The following FBXL14 variants were observed in gnomAD, a reference collection of about 807,000 sequenced individuals.
The protein encoded by FBXL14 is F-box and leucine rich repeat protein 14.
FBXL14 carries 11 observed loss-of-function variants against 24.5 expected under a neutral mutation model. The ratio of observed to expected loss-of-function variants is 0.45; its 90% confidence interval spans 0.28 to 0.74. The LOEUF (loss-of-function observed/expected upper bound fraction) is 0.74, where lower values mean the gene tolerates loss of function less well. Ranked by LOEUF, FBXL14 falls within the 30% of genes least tolerant of loss-of-function variation. FBXL14 has a pLI of 0.12. For synonymous variants in FBXL14, 294 were observed against 240.4 expected (o/e 1.22, Z -2.06); for missense variants, 384 against 545.6 (o/e 0.70, Z 2.95).
chr12:1,576,983 T>C (rs987791809), intron 1 of FBXL14, among the ~76,000 whole-genome samples: 1 of 152,252 alleles, frequency 6.6e-6, no homozygotes, highest in Non-Finnish European at 1.5e-5. Context: ...GGAATATTTG[T>C]TAGCATTTTT....
chr12:1,574,386 G>A, intron 1 of FBXL14, among the ~76,000 whole-genome samples: 1 of 151,784 alleles, frequency 6.6e-6, no homozygotes, highest in Non-Finnish European at 1.5e-5. Flanking sequence ...CGGTGTGGAT[G>A]GAGGCTGGGG....
intron 1 of FBXL14, among the ~76,000 whole-genome samples, chr12:1,571,050 C>A (rs1378543642): frequency 1.3e-5 from 2 of 152,194 alleles, no homozygotes; most frequent in Admixed American, 1.3e-4. Context: ...AATAATCGGT[C>A]ATTGCTATGA....
rs1315227890 is a variant in FBXL14, at chr12:1,579,407, G to C, written c.1195-12597C>G. On this transcript the variant is annotated intron_variant, in intron 1 of 1. Coordinates refer to ENST00000339235, the MANE Select transcript of FBXL14 (RefSeq NM_152441.3). The surrounding 1 kb of genome is among the most constrained non-coding windows in gnomAD (Gnocchi z 4.3). ...GAGGTGGGTGGATCACCTGAGGTCA[G>C]GAGTTCAAGACCAGCTATGGTCAAC... 6.6e-6 allele frequency among the ~76,000 whole-genome samples: 1 copy of C among 152,116 alleles called. No individual in the cohort carries two copies. Among genetic ancestry groups the C allele is most frequent in the Non-Finnish European group, 1.5e-5 (1 of 68,028 alleles).
intron 1 of FBXL14, among the ~76,000 whole-genome samples, chr12:1,573,178 A>G (rs2094448410): frequency 6.6e-6 from 1 of 152,180 alleles, no homozygotes; most frequent in Non-Finnish European, 1.5e-5. Flanking sequence ...TTCACCTAAG[A>G]AAACTGACTC....
At chr12:1,578,194 C>T (rs2094459553) in intron 1 of FBXL14, among the ~76,000 whole-genome samples, 1 of 152,062 alleles carries the variant, frequency 6.6e-6, no homozygotes, top group South Asian at 2.1e-4. Context: ...ATTTAGCTAC[C>T]TCTAATAGAG....
rs565300536 is a variant in FBXL14, at chr12:1,593,404, C to T, written c.663G>A (p.Lys221=). Residue 221 remains lysine (K), a synonymous_variant, in exon 1 of 2, where the codon AAG becomes AAA. Transcript: ENST00000339235. The surrounding 1 kb of genome is among the most constrained non-coding windows in gnomAD (Gnocchi z 7.4). ...GGCCCGTCAGCCCTCGGGAGATGTG[C>T]TTTAGAGAAAGATCTGTGAGCTTCT... is the stretch of plus-strand genomic sequence containing the variant. ...DCQKLTDLSL[K]HISRGLTGLR... 5.0e-6 allele frequency: 8 copies of T among 1,614,048 alleles called. No individual in the cohort carries two copies. In the South Asian group the frequency reaches 8.8e-5, roughly 18 times the overall value.
chr12:1,568,696 A>G (rs1348543295), intron 1 of FBXL14, among the ~76,000 whole-genome samples: 3 of 152,138 alleles, frequency 2.0e-5, no homozygotes, highest in Non-Finnish European at 4.4e-5. Context: ...ACCCCCCTCT[A>G]CTAAAAATAC....
rs2094441815 is a variant in FBXL14 at position 1,569,544 on chromosome 12, G to A, written c.1195-2734C>T. Among the ~76,000 whole-genome samples the A allele has an allele frequency of 6.6e-6, 1 of 152,124 alleles. No individual in the cohort carries two copies. Among genetic ancestry groups the A allele is most frequent in the Non-Finnish European group, 1.5e-5 (1 of 68,002 alleles). On this transcript the variant is annotated intron_variant, in intron 1 of 1. Transcript: ENST00000339235. The surrounding 1 kb of genome is among the most constrained non-coding windows in gnomAD (Gnocchi z 4.2). ...GCCTCCTGAGTAGCTGGGATTACAG[G>A]CGCCCGCCACCACGCCCGGCTAATT...
chr12:1,587,754 T>C (rs1193716095), intron 1 of FBXL14, among the ~76,000 whole-genome samples: 2 of 152,342 alleles, frequency 1.3e-5, no homozygotes, highest in Middle Eastern at 3.4e-3. Flanking sequence ...TGCTGCCTGA[T>C]AGTTAACCAA....
intron 1 of FBXL14, 124 bp downstream of exon 1, chr12:1,592,749 T>C: frequency 1.2e-6 from 1 of 865,818 alleles, no homozygotes; most frequent in Non-Finnish European, 1.7e-6. Flanking sequence ...GCTTCTGTCA[T>C]AGCCCCATCT....
In FBXL14 at chr12:1,569,289, C is replaced by G. The variant is rs544766075; in HGVS notation, c.1195-2479G>C. ...TCTGATGTTTTCTAATTCTCTCTCT[C>G]TCTCTCCCTCTCCTTCCCATTCCCT... is the stretch of plus-strand genomic sequence containing the variant. On this transcript the variant is annotated intron_variant, in intron 1 of 1. Transcript: ENST00000339235. The surrounding 1 kb of genome is among the most constrained non-coding windows in gnomAD (Gnocchi z 4.2). 2.0e-5 allele frequency among the ~76,000 whole-genome samples: 3 copies of G among 151,964 alleles called. No homozygotes were observed. In the South Asian group the frequency reaches 6.2e-4, roughly 32 times the overall value.
At position 1,566,657 on chromosome 12, in the gene FBXL14, C is replaced by T; in HGVS notation, c.*91G>A. On this transcript the variant is annotated 3_prime_UTR_variant, in exon 2 of 2. Transcript: ENST00000339235. Reference sequence around the variant, plus strand: ...CCCGAGCAGTGACAGGCAGGGAAACCTGAGCTGTCATCACCAGAGTGCCGG... The same window carrying T: ...CCCGAGCAGTGACAGGCAGGGAAACTTGAGCTGTCATCACCAGAGTGCCGG... The T allele has an allele frequency of 1.3e-6, 1 of 758,110 alleles. No individual in the cohort carries two copies. Among genetic ancestry groups the T allele is most frequent in the Non-Finnish European group, 2.5e-6 (1 of 404,828 alleles). The allele number at this position is 758,110 out of a possible 1,614,324, so 47.0% of individuals were successfully genotyped here. A position where few individuals can be genotyped will look rare whatever the true frequency, so the allele number is the denominator to read the frequency against.
intron 1 of FBXL14, among the ~76,000 whole-genome samples, chr12:1,586,325 C>T (rs2094476421): frequency 6.6e-6 from 1 of 151,962 alleles, no homozygotes; most frequent in Admixed American, 6.5e-5. Context: ...TGCCACTGCA[C>T]TCCAGCCTGG....
Position 1,569,548 on chromosome 12 carries a change from C to A in FBXL14, c.1195-2738G>T, listed in dbSNP as rs1363772940. On this transcript the variant is annotated intron_variant, in intron 1 of 1. Coordinates refer to ENST00000339235, the MANE Select transcript of FBXL14 (RefSeq NM_152441.3). The surrounding 1 kb of genome is among the most constrained non-coding windows in gnomAD (Gnocchi z 4.2). ...CCTGAGTAGCTGGGATTACAGGCGC[C>A]CGCCACCACGCCCGGCTAATTTTTT... 6.6e-6 allele frequency among the ~76,000 whole-genome samples: 1 copy of A among 152,054 alleles called. No individual in the cohort carries two copies. Among genetic ancestry groups the A allele is most frequent in the Non-Finnish European group, 1.5e-5 (1 of 67,988 alleles).
intron 1 of FBXL14, among the ~76,000 whole-genome samples, chr12:1,576,760 T>C (rs548914842): frequency 6.6e-6 from 1 of 152,320 alleles, no homozygotes; most frequent in Non-Finnish European, 1.5e-5. Flanking sequence ...TGGGAGATGG[T>C]GCTCTGTCGC....
chr12:1,592,806 G>A (rs1320894912), intron 1 of FBXL14, 67 bp downstream of exon 1: 4 of 1,317,886 alleles, frequency 3.0e-6, no homozygotes, highest in Admixed American at 4.5e-5. Flanking sequence ...GAGTGTGTGG[G>A]GGCGGTGGTA....
chr12:1,567,272 G>A lies in FBXL14; in HGVS notation c.1195-462C>T, dbSNP rs2094437894. The stretch of plus-strand genomic sequence containing the variant: ...GAGGTCAGGAGTTCGAGACCAGCCT[G>A]GCCAATATGGCAAAACCCCATCTCT... On this transcript the variant is annotated intron_variant, in intron 1 of 1. Transcript: ENST00000339235. The surrounding 1 kb of genome is among the most constrained non-coding windows in gnomAD (Gnocchi z 4.8). 6.6e-6 allele frequency among the ~76,000 whole-genome samples: 1 copy of A among 151,844 alleles called. No individual in the cohort carries two copies. Among genetic ancestry groups the A allele is most frequent in the African/African-American group, 2.4e-5 (1 of 41,304 alleles).
intron 1 of FBXL14, among the ~76,000 whole-genome samples, chr12:1,570,099 G>A (rs2094442909): frequency 6.6e-6 from 1 of 152,232 alleles, no homozygotes; most frequent in Non-Finnish European, 1.5e-5. Flanking sequence ...GTCTAGTGCG[G>A]TGTCCTGTCC....
intron 1 of FBXL14, among the ~76,000 whole-genome samples, chr12:1,583,248 T>C (rs1301722695): frequency 6.6e-6 from 1 of 152,172 alleles, no homozygotes; most frequent in Non-Finnish European, 1.5e-5. Context: ...CTAGCTCTTT[T>C]TCTTGCTGTT....
Sources: allele counts gnomAD v4.1 joint callset (sites outside exome capture counted in the v4.1 genomes callset), GRCh38; gene constraint gnomAD v4.1.1; non-coding constraint Gnocchi (gnomAD v3.1); transcripts MANE v1.5; gene names NCBI Gene and HGNC (gene_info 2026-07-23, HGNC 2026-07-21).